NCOA2: variants seen among roughly 807,000 people sequenced by gnomAD.
NCOA2 encodes class E basic helix-loop-helix protein 75.
NCOA2 carries 21 observed loss-of-function variants against 145.1 expected under a neutral mutation model. That is an observed-to-expected ratio of 0.14 (90% CI 0.10 to 0.21). The LOEUF is 0.21. Ranked by LOEUF, NCOA2 falls within the 10% of genes least tolerant of loss-of-function variation. The pLI, the probability that NCOA2 is intolerant of heterozygous loss-of-function variation, is 1.00. For synonymous variants in NCOA2, 619 were observed against 637.5 expected, an observed-to-expected ratio of 0.97 and a Z score of 0.44; for missense variants, 1,472 against 1,837.6, an observed-to-expected ratio of 0.80 and a Z score of 3.64.
At chr8:70,129,094 T>C in intron 16 of NCOA2, 114 bp from the exon 17 acceptor site, 1 of 1,022,048 alleles carries the variant, frequency 9.8e-7, no homozygotes, top group South Asian at 1.7e-5. Flanking sequence ...TACTTTTTAA[T>C]ATTATACTTA....
At chr8:70,369,259 C>T (rs1278745072) in intron 1 of NCOA2, among the ~76,000 whole-genome samples, 1 of 152,182 alleles carries the variant, frequency 6.6e-6, no homozygotes, top group African/African-American at 2.4e-5. Context: ...ACATACGAAA[C>T]ATTTGGAAGA....
intron 4 of NCOA2, among the ~76,000 whole-genome samples, chr8:70,176,767 T>A (rs1814897965): frequency 1.3e-5 from 2 of 152,150 alleles, no homozygotes; most frequent in South Asian, 2.1e-4. Flanking sequence ...TTCATCTAAT[T>A]TTCAAGGGCC....
chr8:70,453,065 A>G, the NCOA2 span, among the ~76,000 whole-genome samples: 1 of 152,224 alleles, frequency 6.6e-6, no homozygotes, highest in Non-Finnish European at 1.5e-5. Context: ...GTTAATATTT[A>G]TTAGTACAGA....
At chr8:70,226,755 T>C (rs1820689692) in intron 2 of NCOA2, among the ~76,000 whole-genome samples, 1 of 151,674 alleles carries the variant, frequency 6.6e-6, no homozygotes, top group South Asian at 2.1e-4. Context: ...GATACTTAGA[T>C]ATTTTAGAGT....
chr8:70,371,870 A>G (rs1811252401), intron 1 of NCOA2, among the ~76,000 whole-genome samples: 1 of 152,216 alleles, frequency 6.6e-6, no homozygotes, highest in Non-Finnish European at 1.5e-5. Flanking sequence ...AAAAACTGTA[A>G]GTTTTTAAAA....
intron 2 of NCOA2, among the ~76,000 whole-genome samples, chr8:70,240,528 C>G (rs1822034844): frequency 6.6e-6 from 1 of 151,920 alleles, no homozygotes; most frequent in Admixed American, 6.6e-5. Flanking sequence ...CATTTTTGTT[C>G]TTCTGATGTT....
intron 2 of NCOA2, among the ~76,000 whole-genome samples, chr8:70,295,044 A>T (rs937771961): frequency 6.6e-6 from 1 of 152,218 alleles, no homozygotes. Flanking sequence ...AAAGAGAAGC[A>T]AATGTCTGAA....
chr8:70,290,490 T>C (rs577276268), intron 2 of NCOA2, among the ~76,000 whole-genome samples: 15 of 152,062 alleles, frequency 9.9e-5, no homozygotes, highest in Non-Finnish European at 1.9e-4. Flanking sequence ...GCCCGGCCTA[T>C]TTCCATTGAT....
At chr8:70,298,809 C>A (rs568778188) in intron 1 of NCOA2, among the ~76,000 whole-genome samples, 12 of 152,242 alleles carry the variant, frequency 7.9e-5, no homozygotes, top group African/African-American at 2.9e-4. Context: ...CACCTGTAAT[C>A]CCAGCACTCT....
At chr8:70,418,382 C>G in the NCOA2 span, among the ~76,000 whole-genome samples, 1 of 152,292 alleles carries the variant, frequency 6.6e-6, no homozygotes, top group East Asian at 1.9e-4. Context: ...AAATGAGTTT[C>G]TTGATCAGAA....
chr8:70,264,072 C>T (rs1334505152), intron 2 of NCOA2, among the ~76,000 whole-genome samples: 2 of 151,974 alleles, frequency 1.3e-5, no homozygotes, highest in African/African-American at 2.4e-5. Context: ...ATTAGCCAGA[C>T]GTGGTGGCTT....
the NCOA2 span, among the ~76,000 whole-genome samples, chr8:70,420,575 A>G: frequency 2.0e-5 from 3 of 152,134 alleles, no homozygotes; most frequent in African/African-American, 7.2e-5. Flanking sequence ...GGAGGTGGGG[A>G]GTTTAAAGAG....
rs1806507529 is a variant in NCOA2, at chr8:70,111,203, C to G, written c.*2429G>C. 4.5e-6 allele frequency: 1 copy of G among 224,062 alleles called. No individual in the cohort carries two copies. Among genetic ancestry groups the G allele is most frequent in the Non-Finnish European group, 8.9e-6 (1 of 112,318 alleles). The allele number at this position is 224,062 out of a possible 1,614,324, so 13.9% of individuals were successfully genotyped here. ...CAGTATCATGAAGTTGCGGATTTGT[C>G]TGAATTAGGATTGACATTAAAATAC... On this transcript the variant is annotated 3_prime_UTR_variant, in exon 23 of 23. Transcript: ENST00000452400.
At chr8:70,420,714 T>A in the NCOA2 span, among the ~76,000 whole-genome samples, 1 of 152,144 alleles carries the variant, frequency 6.6e-6, no homozygotes, top group African/African-American at 2.4e-5. Context: ...GCGCGATCTC[T>A]GCTCTCTGCA....
At chr8:70,406,364 G>A (rs1814780413), upstream of NCOA2, among the ~76,000 whole-genome samples, 1 of 152,098 alleles carries the variant, frequency 6.6e-6, no homozygotes, top group South Asian at 2.1e-4. Flanking sequence ...ATAATTTTTA[G>A]TGAATCATCA....
chr8:70,316,261 T>C (rs538884238), intron 1 of NCOA2, among the ~76,000 whole-genome samples: 1 of 152,306 alleles, frequency 6.6e-6, no homozygotes, highest in South Asian at 2.1e-4. Context: ...TCTTATTAGA[T>C]TTGGAGACTG....
intron 2 of NCOA2, among the ~76,000 whole-genome samples, chr8:70,270,880 C>T (rs1171533991): frequency 2.6e-5 from 4 of 152,062 alleles, no homozygotes; most frequent in African/African-American, 9.7e-5. Flanking sequence ...TTAAAAACAC[C>T]ATATAAAATC....
intron 2 of NCOA2, among the ~76,000 whole-genome samples, chr8:70,276,167 T>C (rs1370096079): frequency 1.3e-5 from 2 of 151,880 alleles, no homozygotes; most frequent in African/African-American, 4.8e-5. Flanking sequence ...TAATGTAAAA[T>C]GAATATGCCT....
At chr8:70,168,466 G>A (rs1277442055) in intron 6 of NCOA2, among the ~76,000 whole-genome samples, 4 of 152,094 alleles carry the variant, frequency 2.6e-5, no homozygotes, top group East Asian at 1.9e-4. Context: ...TTACAGGCAC[G>A]AGCCACCATG....
Sources: allele counts gnomAD v4.1 joint callset (sites outside exome capture counted in the v4.1 genomes callset), GRCh38; gene constraint gnomAD v4.1.1; transcripts MANE v1.5; gene names NCBI Gene and HGNC (gene_info 2026-07-23, HGNC 2026-07-21).